RBFOX1: variants seen among roughly 807,000 people sequenced by gnomAD.
The protein encoded by RBFOX1 is RNA binding protein fox-1 homolog 1.
A neutral mutation model predicts 57.7 loss-of-function variants in RBFOX1; 8 were observed. The ratio of observed to expected loss-of-function variants is 0.14; its 90% CI spans 0.08 to 0.25. The LOEUF is 0.25. Among genes scored for constraint, RBFOX1 ranks in the 10% least tolerant of loss-of-function variants. RBFOX1 has a pLI of 1.00. For synonymous variants in RBFOX1, 326 were observed against 222.4 expected, an observed-to-expected ratio of 1.47 and a Z score of -4.15; for missense variants, 611 against 548.5, an observed-to-expected ratio of 1.11 and a Z score of -1.14.
intron 2 of RBFOX1, among the ~76,000 whole-genome samples, chr16:6,620,131 T>G (rs980464566): frequency 6.6e-6 from 1 of 152,170 alleles, no homozygotes; most frequent in Admixed American, 6.5e-5. Flanking sequence ...TAGGTTAAAC[T>G]GAAATCATAA....
At chr16:6,991,161 A>AAC (rs1271872183) in intron 3 of RBFOX1, among the ~76,000 whole-genome samples, 1 of 139,930 alleles carries the variant, frequency 7.1e-6, no homozygotes, top group Non-Finnish European at 1.6e-5. Context: ...AAAAAAAAAA[A>AAC]AGACACGGTG....
intron 3 of RBFOX1, among the ~76,000 whole-genome samples, chr16:5,718,885 G>C (rs2051819775): frequency 6.6e-6 from 1 of 151,938 alleles, no homozygotes; most frequent in Non-Finnish European, 1.5e-5. Context: ...CCCCAGTCTA[G>C]GTGACAGAGT....
intron 2 of RBFOX1, among the ~76,000 whole-genome samples, chr16:6,443,230 G>T (rs1178820711): frequency 1.3e-5 from 2 of 152,124 alleles, no homozygotes; most frequent in African/African-American, 4.8e-5. Flanking sequence ...AAGGTGTGAA[G>T]ATTTCTTTCC....
intron 1 of RBFOX1, among the ~76,000 whole-genome samples, chr16:5,400,991 A>G (rs1366297918): frequency 6.6e-6 from 1 of 152,140 alleles, no homozygotes. Context: ...CTAATATGTC[A>G]TAGTTAAGGC....
intron 2 of RBFOX1, among the ~76,000 whole-genome samples, chr16:6,559,525 G>T (rs2097151678): frequency 6.6e-6 from 1 of 152,002 alleles, no homozygotes; most frequent in African/African-American, 2.4e-5. Context: ...TGAGGAAATG[G>T]GAAGCTTTTT....
intron 4 of RBFOX1, among the ~76,000 whole-genome samples, chr16:7,352,083 C>A (rs945573590): frequency 7.9e-5 from 12 of 152,118 alleles, no homozygotes; most frequent in Non-Finnish European, 8.8e-5. Context: ...TATGGTCTTG[C>A]AATTGCGGGG....
intron 2 of RBFOX1, among the ~76,000 whole-genome samples, chr16:6,613,150 G>A (rs2098091285): frequency 6.6e-6 from 1 of 151,966 alleles, no homozygotes; most frequent in Non-Finnish European, 1.5e-5. Flanking sequence ...TGATCTATAG[G>A]CATTATGCTT....
Position 5,749,450 on chromosome 16 carries a change from C to CAACT in RBFOX1, c.319-117853_319-117852insAACT, listed in dbSNP as rs1168608461. ...TGGGGAAGTTCTCCTGGATAATATC[C>CAACT]TGCAGAGTGTTTTCCAACTTGGTGC... On this transcript the variant is annotated intron_variant, in intron 3 of 19. Transcript: ENST00000641259. Among the ~76,000 whole-genome samples the CAACT allele has an allele frequency of 2.8e-3, 426 of 152,276 alleles. 1 individual carries two copies. Among genetic ancestry groups the CAACT allele is most frequent in the South Asian group, 1.0e-2 (48 of 4,820 alleles).
At position 6,344,407 on chromosome 16, in the gene RBFOX1, C is replaced by CTTTTTTTTTTTTTTTTTTTTTTTTT. The variant is rs60637926; in HGVS notation, c.-64+27362_-64+27363insTTTTTTTTTTTTTTTTTTTTTTTTT. Among the ~76,000 whole-genome samples the CTTTTTTTTTTTTTTTTTTTTTTTTT allele has an allele frequency of 1.4e-4, 15 of 109,842 alleles. 1 individual carries two copies. Among genetic ancestry groups the CTTTTTTTTTTTTTTTTTTTTTTTTT allele is most frequent in the African/African-American group, 1.7e-4 (4 of 22,974 alleles). The allele number at this position is 109,842 out of a possible 152,430, so 72.1% of individuals were successfully genotyped here. A position where few individuals can be genotyped will look rare whatever the true frequency, so the allele number is the denominator to read the frequency against. On this transcript the variant is annotated intron_variant, in intron 2 of 15. Transcript: ENST00000550418. The stretch of plus-strand genomic sequence containing the variant: ...TCTCTTCTTCTTTTTTCTTTTTTTT[C>CTTTTTTTTTTTTTTTTTTTTTTTTT]TTTTTTTTTTTTGAGACAGAGTCTC...
At chr16:6,188,720 G>T (rs182582514) in intron 1 of RBFOX1, among the ~76,000 whole-genome samples, 16 of 152,168 alleles carry the variant, frequency 1.1e-4, no homozygotes, top group Non-Finnish European at 2.2e-4. Flanking sequence ...AAGTGGAGGC[G>T]AAAAAATGGA....
In RBFOX1 at chr16:6,615,929, A is replaced by G. The variant is rs966163804; in HGVS notation, c.-63-38674A>G. 1.8e-4 allele frequency among the ~76,000 whole-genome samples: 28 copies of G among 152,170 alleles called. 1 individual carries two copies. The highest frequency in any genetic ancestry group is 6.5e-4 in the African/African-American group (27 of 41,452). On this transcript the variant is annotated intron_variant, in intron 2 of 15. Coordinates refer to ENST00000550418, the MANE Select transcript of RBFOX1 (RefSeq NM_018723.4). ...CATCCCTCATAACCTCCCTCGGTGC[A>G]GAAACTATCTGTGAACAGTGGTACC...
intron 4 of RBFOX1, among the ~76,000 whole-genome samples, chr16:5,925,784 C>G (rs936345754): frequency 5.9e-4 from 90 of 152,300 alleles, no homozygotes; most frequent in African/African-American, 1.9e-3. Flanking sequence ...CTTCCACCCT[C>G]TTTCCTGAAG....
At chr16:6,646,467 C>G (rs1272377312) in intron 2 of RBFOX1, among the ~76,000 whole-genome samples, 1 of 152,012 alleles carries the variant, frequency 6.6e-6, no homozygotes, top group Non-Finnish European at 1.5e-5. Context: ...TCTTTTCTGT[C>G]GCTTGCGTGG....
chr16:6,575,658 G>A (rs2097422797), intron 2 of RBFOX1, among the ~76,000 whole-genome samples: 1 of 152,092 alleles, frequency 6.6e-6, no homozygotes, highest in African/African-American at 2.4e-5. Context: ...AGGAATTTGA[G>A]ACCAGACTGA....
chr16:5,912,529 C>T (rs1436803156), intron 4 of RBFOX1, among the ~76,000 whole-genome samples: 3 of 152,140 alleles, frequency 2.0e-5, no homozygotes, highest in Non-Finnish European at 4.4e-5. Context: ...ATGCATTGCA[C>T]GTTGAAAGGC....
At position 5,424,870 on chromosome 16, in the gene RBFOX1, C is replaced by CTTT. The variant is rs1204007994; in HGVS notation, c.220-42340_220-42338dup. Among the ~76,000 whole-genome samples the CTTT allele has an allele frequency of 4.4e-3, 548 of 125,034 alleles. 24 individuals are homozygous for CTTT. Among genetic ancestry groups the CTTT allele is most frequent in the African/African-American group, 0.017 (518 of 29,760 alleles). 82.0% of individuals were successfully genotyped at this position (125,034 alleles called of 152,430 possible). ...CTTTCTCTCTCTCTCTTCTTTCTTTCTTTTTTTTCTTTCTTTCTTTCTTTC... is the reference window on the plus strand; with the variant it reads ...CTTTCTCTCTCTCTCTTCTTTCTTTCTTTTTTTTTTTCTTTCTTTCTTTCTTTC... On this transcript the variant is annotated intron_variant, in intron 1 of 2. Coordinates refer to the RBFOX1 transcript ENST00000585867.
At chr16:5,618,080 C>G (rs142983954) in intron 3 of RBFOX1, among the ~76,000 whole-genome samples, 8 of 152,308 alleles carry the variant, frequency 5.3e-5, no homozygotes, top group East Asian at 1.9e-4. Flanking sequence ...CTGTGTATCT[C>G]TGGATTACTA....
intron 4 of RBFOX1, among the ~76,000 whole-genome samples, chr16:7,187,838 G>T (rs181794295): frequency 1.3e-4 from 20 of 151,204 alleles, no homozygotes; most frequent in Non-Finnish European, 2.4e-4. Flanking sequence ...CTAAATTTCT[G>T]ACATAGAAAA....
chr16:6,810,603 A>C (rs568820924), intron 3 of RBFOX1, among the ~76,000 whole-genome samples: 9 of 152,120 alleles, frequency 5.9e-5, no homozygotes, highest in Non-Finnish European at 1.2e-4. Flanking sequence ...AAAGAGCTAT[A>C]AAGAACTTCC....
Sources: allele counts gnomAD v4.1 joint callset (sites outside exome capture counted in the v4.1 genomes callset), GRCh38; gene constraint gnomAD v4.1.1; transcripts MANE v1.5; gene names NCBI Gene and HGNC (gene_info 2026-07-23, HGNC 2026-07-21).